LINGO2: variants seen among roughly 807,000 people sequenced by gnomAD.
The protein encoded by LINGO2 is leucine-rich repeat and immunoglobulin-like domain-containing nogo receptor-interacting protein 2.
Under a neutral mutation model 30.6 loss-of-function variants are expected in LINGO2, and 14 were observed. The ratio of observed to expected loss-of-function variants is 0.46; its 90% confidence interval spans 0.30 to 0.72. LINGO2 has a LOEUF of 0.72. LINGO2 is among the 30% of genes least tolerant of loss of function. The probability of loss-of-function intolerance (pLI) is 0.07; values close to 1 mark genes in which losing one functional copy is unlikely to be tolerated. For missense variants in LINGO2, 729 were observed against 751.7 expected (o/e 0.97, Z 0.35); for synonymous variants, 317 against 288.5 (o/e 1.10, Z -1.00).
chr9:28,830,211 G>A, the LINGO2 span, among the ~76,000 whole-genome samples: 8 of 152,112 alleles, frequency 5.3e-5, no homozygotes, highest in Admixed American at 3.3e-4. Flanking sequence ...AAATGAGCAT[G>A]GAGAAAAATG....
chr9:28,612,102 C>T (rs533774010), intron 1 of LINGO2, among the ~76,000 whole-genome samples: 1 of 152,130 alleles, frequency 6.6e-6, no homozygotes, highest in South Asian at 2.1e-4. Context: ...GTCTCTATTG[C>T]CTGTGAAAAA....
chr9:28,055,274 T>C (rs1315223738), intron 4 of LINGO2, among the ~76,000 whole-genome samples: 1 of 152,182 alleles, frequency 6.6e-6, no homozygotes, highest in Non-Finnish European at 1.5e-5. Context: ...CTTTTCCCTG[T>C]AGTTGCTTAT....
chr9:28,835,056 A>G, the LINGO2 span, among the ~76,000 whole-genome samples: 80 of 152,326 alleles, frequency 5.3e-4, 1 homozygote, highest in South Asian at 0.016. Context: ...AAGCAAAGCA[A>G]GAGTAGTTCT....
intron 4 of LINGO2, among the ~76,000 whole-genome samples, chr9:28,146,942 CTGATCTAGAACA>C (rs1220196555): frequency 1.3e-5 from 2 of 152,198 alleles, no homozygotes; most frequent in African/African-American, 4.8e-5. Flanking sequence ...CAGACCAAAG[CTGATCTAGAACA>C]TAATCTTTAC....
chr9:28,990,586 G>A, the LINGO2 span, among the ~76,000 whole-genome samples: 1 of 152,172 alleles, frequency 6.6e-6, no homozygotes, highest in Non-Finnish European at 1.5e-5. Flanking sequence ...CCCCTGAGCA[G>A]CCTAACTGGG....
chr9:28,518,432 G>A (rs974977905), intron 1 of LINGO2, among the ~76,000 whole-genome samples: 2 of 152,112 alleles, frequency 1.3e-5, no homozygotes, highest in African/African-American at 4.8e-5. Flanking sequence ...CAACTCTGAA[G>A]TATGTCATTT....
intron 2 of LINGO2, among the ~76,000 whole-genome samples, chr9:28,444,711 G>A (rs939205676): frequency 5.9e-5 from 9 of 152,184 alleles, no homozygotes; most frequent in African/African-American, 2.2e-4. Flanking sequence ...TGGTCCAACT[G>A]GAGCCTTGCA....
chr9:28,513,084 TAC>T (rs57773955), intron 1 of LINGO2, among the ~76,000 whole-genome samples: 8,173 of 146,540 alleles, frequency 0.056, 382 homozygotes, highest in African/African-American at 0.13. Context: ...TTAACCATCA[TAC>T]ACACACACAC....
chr9:28,625,224 C>T (rs1189776760), intron 1 of LINGO2, among the ~76,000 whole-genome samples: 2 of 152,074 alleles, frequency 1.3e-5, no homozygotes, highest in Non-Finnish European at 2.9e-5. Flanking sequence ...TGAGTGCCAG[C>T]CAAACCCAGC....
chr9:28,407,993 C>T (rs929077557), intron 2 of LINGO2, among the ~76,000 whole-genome samples: 2 of 151,832 alleles, frequency 1.3e-5, no homozygotes, highest in Non-Finnish European at 2.9e-5. Flanking sequence ...AGTAAGAGTA[C>T]AGCGAGAGGG....
chr9:28,501,955 CAG>C (rs899151573), intron 1 of LINGO2, among the ~76,000 whole-genome samples: 8 of 144,150 alleles, frequency 5.5e-5, no homozygotes, highest in African/African-American at 2.1e-4. Flanking sequence ...TTGGCAAAAA[CAG>C]AAAGAGAGAG....
chr9:28,575,410 A>AC lies in LINGO2; in HGVS notation c.-365+94789dup, dbSNP rs202065907. 8.2e-3 allele frequency among the ~76,000 whole-genome samples: 1,245 copies of AC among 151,426 alleles called. 5 individuals are homozygous for AC. The highest frequency in any genetic ancestry group is 0.017 in the Middle Eastern group (5 of 292). ...AGACTCCGTCTCAAAAAAAAAAACAACAAAAAAAACAAAAAACAACACAAA... is the reference window on the plus strand; with the variant it reads ...AGACTCCGTCTCAAAAAAAAAAACAACCAAAAAAAACAAAAAACAACACAAA... On this transcript the variant is annotated intron_variant, in intron 1 of 5. Coordinates refer to ENST00000379992, the Ensembl canonical transcript of LINGO2.
intron 2 of LINGO2, among the ~76,000 whole-genome samples, chr9:28,433,336 C>T (rs1004200884): frequency 6.6e-6 from 1 of 152,072 alleles, no homozygotes; most frequent in African/African-American, 2.4e-5. Flanking sequence ...TACTCCAAAA[C>T]TCTTCCACTT....
intron 4 of LINGO2, among the ~76,000 whole-genome samples, chr9:28,055,304 TTAG>T (rs768083708): frequency 2.3e-4 from 35 of 152,234 alleles, no homozygotes; most frequent in African/African-American, 6.7e-4. Flanking sequence ...TTTAAATGGC[TTAG>T]TAATTTCTTG....
chr9:29,087,528 C>T, the LINGO2 span, among the ~76,000 whole-genome samples: 2 of 152,262 alleles, frequency 1.3e-5, no homozygotes, highest in African/African-American at 2.4e-5. Context: ...GTAAAGTTGG[C>T]TTTACTGGAT....
chr9:28,620,775 A>T (rs968734692), intron 1 of LINGO2, among the ~76,000 whole-genome samples: 22 of 152,092 alleles, frequency 1.4e-4, no homozygotes, highest in African/African-American at 5.3e-4. Flanking sequence ...GAGCTAAATG[A>T]TGAGAACACA....
At chr9:28,296,291 TCCC>T (rs1823917827) in intron 3 of LINGO2, among the ~76,000 whole-genome samples, 1 of 152,180 alleles carries the variant, frequency 6.6e-6, no homozygotes, top group African/African-American at 2.4e-5. Context: ...TCACTGGTCT[TCCC>T]AGGGTAGCTC....
At chr9:28,514,803 T>C (rs1450955703) in intron 1 of LINGO2, among the ~76,000 whole-genome samples, 1 of 152,166 alleles carries the variant, frequency 6.6e-6, no homozygotes, top group Non-Finnish European at 1.5e-5. Context: ...ATTTTCAATG[T>C]AGACAAAATA....
intron 1 of LINGO2, among the ~76,000 whole-genome samples, chr9:28,643,844 A>C (rs1184548153): frequency 6.6e-6 from 1 of 152,118 alleles, no homozygotes; most frequent in Non-Finnish European, 1.5e-5. Context: ...TATAGAAAAA[A>C]ACATAAAAAT....
Sources: gnomAD v4.1 joint callset for allele counts (sites outside exome capture counted in the v4.1 genomes callset) on GRCh38, gnomAD v4.1.1 for gene constraint, MANE v1.5 for transcripts, NCBI Gene and HGNC (gene_info 2026-07-23, HGNC 2026-07-21) for gene names.